Variants in L3HYPDH observed in about 807,000 individuals in gnomAD.
The protein encoded by L3HYPDH is trans-3-hydroxy-L-proline dehydratase.
In L3HYPDH, 32 loss-of-function variants were observed where a neutral mutation model predicts 26.5. That is an observed-to-expected ratio of 1.21 (90% confidence interval 0.91 to 1.62). L3HYPDH has a LOEUF of 1.62. Among genes scored for constraint, L3HYPDH ranks in the 40% most tolerant of loss-of-function variants. The pLI is 0.00. For missense variants in L3HYPDH, 554 were observed against 476.4 expected, an observed-to-expected ratio of 1.16 and a Z score of -1.52; for synonymous variants, 215 against 196.6, an observed-to-expected ratio of 1.09 and a Z score of -0.78.
chr14:59,482,043 AT>A (rs1314116806), intron 1 of L3HYPDH, among the ~76,000 whole-genome samples: 6 of 152,238 alleles, frequency 3.9e-5, no homozygotes, highest in African/African-American at 1.4e-4. Context: ...TTAGTTACTC[AT>A]TCAACAAACA....
chr14:59,480,724 T>G (rs1037535675), intron 1 of L3HYPDH, among the ~76,000 whole-genome samples: 5 of 152,130 alleles, frequency 3.3e-5, no homozygotes, highest in African/African-American at 1.2e-4. Flanking sequence ...CATGATGTGT[T>G]AAAACAGAGC....
chr14:59,475,122 T>C (rs1025415919), intron 4 of L3HYPDH: 6 of 152,138 alleles, frequency 3.9e-5, no homozygotes, highest in African/African-American at 1.4e-4. Context: ...TTTATTCCAT[T>C]ACAAAAATTT....
upstream of L3HYPDH, chr14:59,486,776 G>A: frequency 6.3e-7 from 1 of 1,590,462 alleles, no homozygotes. Context: ...TTTAAAAATG[G>A]CTCAACTGAA....
chr14:59,467,345 T>C (rs1889219109), intron 1 of L3HYPDH, among the ~76,000 whole-genome samples: 1 of 152,178 alleles, frequency 6.6e-6, no homozygotes, highest in African/African-American at 2.4e-5. Flanking sequence ...CAAAGTTTAT[T>C]GGGGCTACCT....
upstream of L3HYPDH, among the ~76,000 whole-genome samples, chr14:59,488,244 G>A (rs78850029): frequency 0.034 from 5,236 of 151,974 alleles, 155 homozygotes; most frequent in Middle Eastern, 0.1. Flanking sequence ...TATTAAATCA[G>A]CACACATTTA....
chr14:59,488,807 A>C (rs1229596692), upstream of L3HYPDH, among the ~76,000 whole-genome samples: 1 of 152,218 alleles, frequency 6.6e-6, no homozygotes, highest in Non-Finnish European at 1.5e-5. Flanking sequence ...TCTGACTGCA[A>C]CTTGTTACCT....
chr14:59,501,859 A>T, the L3HYPDH span, among the ~76,000 whole-genome samples: 273 of 152,360 alleles, frequency 1.8e-3, no homozygotes, highest in Non-Finnish European at 3.1e-3. Flanking sequence ...GGCCACTATT[A>T]TAAAGAACTC....
the L3HYPDH span, chr14:59,501,378 T>C: frequency 6.0e-6 from 4 of 663,774 alleles, no homozygotes; most frequent in South Asian, 8.5e-5. Flanking sequence ...TAGTAATCTT[T>C]GGCTGATTGA....
upstream of L3HYPDH, chr14:59,484,508 G>A: frequency 2.0e-6 from 3 of 1,526,982 alleles, no homozygotes. Context: ...CGGAGCCGCC[G>A]AGCTCGCTGT....
At chr14:59,496,285 A>C in the L3HYPDH span, among the ~76,000 whole-genome samples, 16 of 150,906 alleles carry the variant, frequency 1.1e-4, no homozygotes. Context: ...AAAATACTAT[A>C]TAAAACACTG....
chr14:59,483,697 G>A (rs775603067), intron 1 of L3HYPDH, 112 bp downstream of exon 1: 1 of 1,480,848 alleles, frequency 6.8e-7, no homozygotes, highest in Non-Finnish European at 8.9e-7. Flanking sequence ...TTAATTGCAA[G>A]GTTTCGCGGA....
At chr14:59,484,707 C>T (rs1237682712), upstream of L3HYPDH, 1 of 1,315,930 alleles carries the variant, frequency 7.6e-7, no homozygotes, top group Non-Finnish European at 1.1e-6. Flanking sequence ...GGCGCAGGCT[C>T]GCCCCTTGAC....
At chr14:59,501,336 C>CAT in the L3HYPDH span, 2 of 944,400 alleles carry the variant, frequency 2.1e-6, no homozygotes, top group Non-Finnish European at 3.3e-6. Flanking sequence ...CAGAATAGTC[C>CAT]ATATGATATG....
chr14:59,485,062 C>T (rs1207464373), upstream of L3HYPDH: 1 of 1,598,214 alleles, frequency 6.3e-7, no homozygotes, highest in Non-Finnish European at 8.5e-7. Context: ...CCATCGTTCG[C>T]TAAAGGAAAT....
At chr14:59,503,737 AT>A in the L3HYPDH span, 2 of 649,978 alleles carry the variant, frequency 3.1e-6, no homozygotes, top group Non-Finnish European at 4.9e-6. Flanking sequence ...TAGCTCAAAC[AT>A]TTTATGATTC....
intron 2 of L3HYPDH, among the ~76,000 whole-genome samples, chr14:59,476,558 C>G (rs569546130): frequency 2.6e-5 from 4 of 152,128 alleles, no homozygotes; most frequent in African/African-American, 9.7e-5. Flanking sequence ...CACAGGCTGG[C>G]GATGGCTGCT....
Position 59,484,331 on chromosome 14 carries a change from G to T in L3HYPDH, c.-15C>A, listed in dbSNP as rs756464577. 1 of 1,573,696 alleles carries T rather than the reference G, an allele frequency of 6.4e-7. No homozygotes were observed. The highest frequency in any genetic ancestry group is 8.6e-7 in the Non-Finnish European group (1 of 1,166,846). On this transcript the variant is annotated 5_prime_UTR_variant, in exon 1 of 5. Coordinates refer to ENST00000247194, the MANE Select transcript of L3HYPDH (RefSeq NM_144581.2). ...GCGCTCTCCATGGTCTGCGTCGGGG[G>T]AGACGAGTACGGTCCCGCAGCTATG...
At position 59,484,014 on chromosome 14, in the gene L3HYPDH, G is replaced by A. The variant is rs1890280263; in HGVS notation, c.303C>T (p.Ser101=). 4 of 1,602,102 alleles carry A rather than the reference G, an allele frequency of 2.5e-6. No individual in the cohort carries two copies. The highest frequency in any genetic ancestry group is 3.4e-6 in the Non-Finnish European group (4 of 1,178,302). Residue 101 remains serine (S), a synonymous_variant, in exon 1 of 5, where the codon AGC becomes AGT. Coordinates refer to ENST00000247194, the MANE Select transcript of L3HYPDH (RefSeq NM_144581.2). ...CCAGCACTGCGTGGCCGCACATGGAGCTGTAGCCCTCGTTGTGCAGGAACA... is the reference window on the plus strand; with the variant it reads ...CCAGCACTGCGTGGCCGCACATGGAACTGTAGCCCTCGTTGTGCAGGAACA... ...GVLFLHNEGY[S]SMCGHAVLAL...
upstream of L3HYPDH, among the ~76,000 whole-genome samples, chr14:59,488,085 T>G (rs1327888600): frequency 6.6e-6 from 1 of 152,150 alleles, no homozygotes; most frequent in Non-Finnish European, 1.5e-5. Context: ...CTATAATCCT[T>G]ATTGGTTTTC....
Sources: allele counts gnomAD v4.1 joint callset (sites outside exome capture counted in the v4.1 genomes callset), GRCh38; gene constraint gnomAD v4.1.1; transcripts MANE v1.5; gene names NCBI Gene and HGNC (gene_info 2026-07-23, HGNC 2026-07-21).